The following ADISSP variants were observed in gnomAD, a reference collection of about 807,000 sequenced individuals.
The protein encoded by ADISSP is adipose-secreted signaling protein.
At chr20:3,758,662 G>C in the ADISSP span, 2 of 1,614,072 alleles carry the variant, frequency 1.2e-6, no homozygotes, top group East Asian at 2.2e-5. The surrounding 1 kb of genome is among the most constrained non-coding windows in gnomAD (Gnocchi z 5.5). Context: ...GGATACTCCG[G>C]ACTCTGGGCT....
chr20:3,766,580 G>C, the ADISSP span, among the ~76,000 whole-genome samples: 1 of 152,190 alleles, frequency 6.6e-6, no homozygotes, highest in Non-Finnish European at 1.5e-5. Context: ...TTAGCCTCCA[G>C]ATAGCATGCC....
the ADISSP span, chr20:3,767,477 T>C: frequency 6.6e-6 from 1 of 152,228 alleles, no homozygotes; most frequent in Non-Finnish European, 1.5e-5. Flanking sequence ...GAACCTGACA[T>C]CACTCTAGTT....
At chr20:3,763,255 C>CAAAAAA in the ADISSP span, among the ~76,000 whole-genome samples, 6 of 48,754 alleles carry the variant, frequency 1.2e-4, no homozygotes, top group Admixed American at 4.9e-4. Flanking sequence ...GACTCTGTCT[C>CAAAAAA]AAAAAAAAAA....
chr20:3,759,061 A>G, the ADISSP span, among the ~76,000 whole-genome samples: 1 of 152,162 alleles, frequency 6.6e-6, no homozygotes, highest in South Asian at 2.1e-4. This position sits in a 1 kb window ranked among gnomAD's most constrained non-coding sequence, Gnocchi z 4.6. Flanking sequence ...TCACAGTGCA[A>G]AGCTCCCCAT....
the ADISSP span, chr20:3,758,410 A>G: frequency 2.5e-6 from 2 of 797,336 alleles, no homozygotes; most frequent in South Asian, 1.7e-5. This position sits in a 1 kb window ranked among gnomAD's most constrained non-coding sequence, Gnocchi z 5.5. Flanking sequence ...AGATGGGGCA[A>G]CCAAGGCACA....
the ADISSP span, among the ~76,000 whole-genome samples, chr20:3,761,596 A>C: frequency 1.3e-5 from 2 of 152,144 alleles, no homozygotes; most frequent in South Asian, 4.1e-4. Context: ...TCGGCCTCCC[A>C]AAGTGTTGGG....
chr20:3,762,968 G>T, the ADISSP span, among the ~76,000 whole-genome samples: 1 of 152,100 alleles, frequency 6.6e-6, no homozygotes, highest in Non-Finnish European at 1.5e-5. Flanking sequence ...AAGACATTTT[G>T]GGGGGTGCCG....
At chr20:3,760,063 A>C in the ADISSP span, 8 of 1,610,300 alleles carry the variant, frequency 5.0e-6, no homozygotes, top group Admixed American at 1.7e-5. Flanking sequence ...AAGTCCTACC[A>C]CGCCAGGAAG....
At chr20:3,761,343 T>G in the ADISSP span, among the ~76,000 whole-genome samples, 1 of 151,146 alleles carries the variant, frequency 6.6e-6, no homozygotes, top group Non-Finnish European at 1.5e-5. Flanking sequence ...TTTGTTTTTT[T>G]TTTTTTTCTG....
At chr20:3,755,434 C>T in the ADISSP span, 1 of 1,597,564 alleles carries the variant, frequency 6.3e-7, no homozygotes, top group Non-Finnish European at 8.5e-7. Flanking sequence ...CTCACTCCCA[C>T]ACCCATCCAG....
At chr20:3,760,465 C>T in the ADISSP span, among the ~76,000 whole-genome samples, 2 of 152,208 alleles carry the variant, frequency 1.3e-5, no homozygotes, top group Non-Finnish European at 2.9e-5. Context: ...CAGCATAGGA[C>T]TCCTATCCCC....
chr20:3,757,825 G>A, the ADISSP span, among the ~76,000 whole-genome samples: 54 of 151,978 alleles, frequency 3.6e-4, no homozygotes, highest in African/African-American at 9.9e-4. Context: ...GACGGGTTTC[G>A]ACCCATTGGC....
At chr20:3,765,669 G>A in the ADISSP span, among the ~76,000 whole-genome samples, 2 of 152,240 alleles carry the variant, frequency 1.3e-5, no homozygotes, top group South Asian at 2.1e-4. Flanking sequence ...CCCCAGGGAC[G>A]TCAGCCTTCT....
At chr20:3,757,521 A>G in the ADISSP span, among the ~76,000 whole-genome samples, 15 of 152,280 alleles carry the variant, frequency 9.9e-5, no homozygotes, top group African/African-American at 3.6e-4. Context: ...GCTATTTTTA[A>G]GTGTTGGTTT....
the ADISSP span, chr20:3,755,675 G>A: frequency 7.0e-7 from 1 of 1,432,894 alleles, no homozygotes; most frequent in Admixed American, 1.8e-5. Flanking sequence ...ACCCAGTTGT[G>A]CCACCTATGA....
the ADISSP span, among the ~76,000 whole-genome samples, chr20:3,755,149 T>C: frequency 2.0e-5 from 3 of 152,098 alleles, no homozygotes; most frequent in Non-Finnish European, 2.9e-5. Flanking sequence ...AGCAGGTTTT[T>C]CTAGAGGGTT....
At chr20:3,754,372 C>T in the ADISSP span, 1 of 1,601,542 alleles carries the variant, frequency 6.2e-7, no homozygotes, top group Admixed American at 1.7e-5. Context: ...CATCCCTCCT[C>T]CAACCAGGAG....
At chr20:3,754,492 G>A in the ADISSP span, 16 of 1,613,852 alleles carry the variant, frequency 9.9e-6, no homozygotes, top group South Asian at 6.6e-5. Context: ...CTCTTTGTGC[G>A]CCGAGTACTC....
chr20:3,754,195 CCCGGCCCCACCCAT>C, the ADISSP span: 1 of 1,575,156 alleles, frequency 6.3e-7, no homozygotes, highest in Non-Finnish European at 8.7e-7. Flanking sequence ...CATGCTGGCC[CCCGGCCCCACCCAT>C]GCGGCCCACT....
Sources: allele counts gnomAD v4.1 joint callset (sites outside exome capture counted in the v4.1 genomes callset), GRCh38; gene constraint gnomAD v4.1.1; non-coding constraint Gnocchi (gnomAD v3.1); transcripts MANE v1.5; gene names NCBI Gene and HGNC (gene_info 2026-07-23, HGNC 2026-07-21).